Variants in VIRMA observed in about 807,000 individuals in gnomAD.
The protein encoded by VIRMA is vir like m6A methyltransferase associated.
VIRMA carries 65 observed loss-of-function variants against 182.4 expected under a neutral mutation model. That is an observed-to-expected ratio of 0.36 (90% CI 0.29 to 0.44). The LOEUF (loss-of-function observed/expected upper bound fraction) is 0.44. Ranked by LOEUF, VIRMA falls within the 20% of genes least tolerant of loss-of-function variation. The pLI is 1.00. For synonymous variants in VIRMA, 709 were observed against 743.1 expected, an observed-to-expected ratio of 0.95 and a Z score of 0.75; for missense variants, 1,752 against 2,158.1, an observed-to-expected ratio of 0.81 and a Z score of 3.73.
intron 23 of VIRMA, among the ~76,000 whole-genome samples, chr8:94,489,484 C>T (rs1185842741): frequency 6.6e-6 from 1 of 152,218 alleles, no homozygotes; most frequent in African/African-American, 2.4e-5. Context: ...TGGGTTTCAA[C>T]TGCCTAGGTC....
At chr8:94,525,749 G>C (rs1235618651) in intron 8 of VIRMA, among the ~76,000 whole-genome samples, 2 of 152,228 alleles carry the variant, frequency 1.3e-5, no homozygotes, top group African/African-American at 4.8e-5. Context: ...ACAGATGAGA[G>C]AGGTAGATGG....
At chr8:94,514,785 T>C (rs1260956584) in intron 11 of VIRMA, 84 bp downstream of exon 11, 1 of 702,678 alleles carries the variant, frequency 1.4e-6, no homozygotes, top group Non-Finnish European at 2.5e-6. Flanking sequence ...GTCTACATTA[T>C]CTACACAAGT....
chr8:94,512,083 C>A lies in VIRMA; in HGVS notation c.2758G>T (p.Asp920Tyr). The A allele has an allele frequency of 6.8e-7, 1 of 1,470,326 alleles. No individual in the cohort carries two copies. The highest frequency in any genetic ancestry group is 9.0e-7 in the Non-Finnish European group (1 of 1,106,930). The allele number at this position is 1,470,326 out of a possible 1,614,324, so 91.1% of individuals were successfully genotyped here. ...NLIEYVKQNIDNLMTPEGVGL... is the reference protein window; with the variant it reads ...NLIEYVKQNIYNLMTPEGVGL... ...ACTCCTTCTGGGGTCATCAAGTTATCGATATTCTTTAAAAATGAAAATGAA... is the reference window on the plus strand; with the variant it reads ...ACTCCTTCTGGGGTCATCAAGTTATAGATATTCTTTAAAAATGAAAATGAA... The change falls in exon 12 of 24, where the codon GAT (aspartate) becomes TAT (tyrosine). Residue 920 changes from aspartate (D) to tyrosine (Y), a missense_variant. By Grantham distance (160) the Asp-to-Tyr change is radical (BLOSUM62 -3). Around this residue, in one of 11 missense-constraint regions of VIRMA, gnomAD observed 777 missense variants for 920.6 expected, o/e 0.84. Coordinates refer to ENST00000297591, the MANE Select transcript of VIRMA (RefSeq NM_015496.5).
At chr8:94,511,010 C>A in intron 13 of VIRMA, 175 bp downstream of exon 13, 6 of 1,394,854 alleles carry the variant, frequency 4.3e-6, no homozygotes, top group African/African-American at 1.5e-5. Flanking sequence ...AAAATGTTAC[C>A]CCCATATTTC....
At chr8:94,512,168 C>T in intron 11 of VIRMA, 79 bp from the exon 12 acceptor site, 1 of 545,854 alleles carries the variant, frequency 1.8e-6, no homozygotes, top group Non-Finnish European at 2.9e-6. Context: ...CAAGGAATTA[C>T]TTGAAAATAT....
chr8:94,531,236 A>T, intron 5 of VIRMA, 151 bp from the exon 6 acceptor site: 1 of 836,908 alleles, frequency 1.2e-6, no homozygotes, highest in Non-Finnish European at 1.7e-6. Flanking sequence ...CAAAATCTGC[A>T]TATATATAAT....
chr8:94,543,760 C>A (rs1415881992), intron 2 of VIRMA, 67 bp downstream of exon 2: 3 of 843,630 alleles, frequency 3.6e-6, no homozygotes, highest in South Asian at 1.5e-5. Flanking sequence ...TACATTTTTG[C>A]ATTTAAGAAT....
chr8:94,518,928 T>C, intron 9 of VIRMA, 57 bp downstream of exon 9: 1 of 1,429,302 alleles, frequency 7.0e-7, no homozygotes. Flanking sequence ...AACTAGACCA[T>C]TAGTTAATCT....
At chr8:94,510,268 C>T (rs1814316836) in intron 14 of VIRMA, 149 bp downstream of exon 14, 3 of 618,904 alleles carry the variant, frequency 4.8e-6, no homozygotes, top group African/African-American at 1.8e-5. Context: ...TTCATATATT[C>T]ATATGTGTGC....
rs771028941 is a variant in VIRMA, at chr8:94,534,966, A to G, written c.357T>C (p.Cys119=). 2 of 1,613,566 alleles carry G rather than the reference A, an allele frequency of 1.2e-6. No individual in the cohort carries two copies. The highest frequency in any genetic ancestry group is 2.2e-5 in the South Asian group (2 of 90,852). ...CTGATCCATATATTGCCAGTGTCAG[A>G]CAGTTATACCAGCCTCTTAGCACCA... ...DGLVLRGWYN[C]LTLAIYGSVD... Residue 119 remains cysteine (C), a synonymous_variant, in exon 5 of 24, where the codon TGT becomes TGC. Coordinates refer to ENST00000297591, the MANE Select transcript of VIRMA (RefSeq NM_015496.5).
intron 1 of VIRMA, among the ~76,000 whole-genome samples, chr8:94,544,210 C>G (rs1012470617): frequency 4.6e-5 from 7 of 152,186 alleles, no homozygotes; most frequent in African/African-American, 1.4e-4. Flanking sequence ...AGTCCCTTAT[C>G]TGAAATCTCT....
intron 13 of VIRMA, 172 bp downstream of exon 13, chr8:94,511,013 C>T: frequency 2.0e-5 from 28 of 1,406,898 alleles, no homozygotes; most frequent in Non-Finnish European, 2.6e-5. Flanking sequence ...ATGTTACCCC[C>T]ATATTTCCTC....
In VIRMA at chr8:94,510,629, T is replaced by C; in HGVS notation, c.3414A>G (p.Ser1138=). ...ACAATTTTCGGGTGTTGAGTGCCAC[T>C]GATATATCATGTGGCTCAATAACCT... is the stretch of plus-strand genomic sequence containing the variant. ...TTQVIEPHDI[S]VALNTRKLWS... is the part of the protein sequence containing the mutation. The change falls in exon 14 of 24, where the codon TCA becomes TCG. Residue 1138 remains serine (S), a synonymous_variant. Coordinates refer to ENST00000297591, the MANE Select transcript of VIRMA (RefSeq NM_015496.5). 6.2e-7 allele frequency: 1 copy of C among 1,613,650 alleles called. No homozygotes were observed.
At chr8:94,510,876 A>G (rs1814345224) in intron 13 of VIRMA, 3 of 919,508 alleles carry the variant, frequency 3.3e-6, no homozygotes, top group Non-Finnish European at 4.7e-6. Context: ...TGGTGAAGCA[A>G]TCTAGTTATT....
Position 94,496,459 on chromosome 8 carries a change from C to G in VIRMA, c.4252G>C (p.Gly1418Arg). Residue 1418 changes from glycine (G) to arginine (R), a missense_variant, in exon 18 of 24, where the codon GGT (glycine) becomes CGT (arginine). Gly to Arg is a moderately radical substitution (Grantham distance 125). This residue lies in a region of VIRMA where 777 missense variants were observed against 920.6 expected (regional missense o/e 0.84). Coordinates refer to ENST00000297591, the MANE Select transcript of VIRMA (RefSeq NM_015496.5). ...TGAGCTCCCTCTACTTCCATGAGAC[C>G]ATTATCATCTCCACAGCATCCCTGT... ...DTIGCCGDDN[G>R]LMEVEGAHTS... 6.2e-7 allele frequency: 1 copy of G among 1,611,946 alleles called. No homozygotes were observed. Among genetic ancestry groups the G allele is most frequent in the Non-Finnish European group, 8.5e-7 (1 of 1,179,114 alleles).
At chr8:94,543,761 A>T in intron 2 of VIRMA, 66 bp downstream of exon 2, 3 of 862,186 alleles carry the variant, frequency 3.5e-6, no homozygotes, top group African/African-American at 1.7e-5. Flanking sequence ...ACATTTTTGC[A>T]TTTAAGAATA....
chr8:94,505,648 A>G (rs1368081986), intron 16 of VIRMA, among the ~76,000 whole-genome samples: 3 of 151,844 alleles, frequency 2.0e-5, no homozygotes, highest in Non-Finnish European at 2.9e-5. Context: ...ATGCCCAACT[A>G]ATTTGTAAAT....
In VIRMA at chr8:94,527,328, C is replaced by T. The variant is rs772234002; in HGVS notation, c.916G>A (p.Asp306Asn). Reference protein sequence around the residue: ...DGYEQISSDEDGIADLERETF... With the variant: ...DGYEQISSDENGIADLERETF... ...TCACGTTCCAAGTCAGCAATTCCAT[C>T]TTCATCACTGGAAATTTGTTCATAA... Residue 306 changes from aspartate to asparagine, a missense_variant, in exon 8 of 24, where the codon GAT (aspartate) becomes AAT (asparagine). By Grantham distance (23) the Asp-to-Asn change is conservative. Transcript: ENST00000297591. 5.0e-6 allele frequency: 8 copies of T among 1,586,324 alleles called. No individual in the cohort carries two copies. Among genetic ancestry groups the T allele is most frequent in the Non-Finnish European group, 6.9e-6 (8 of 1,163,912 alleles).
rs369200705 is a variant in VIRMA, at chr8:94,509,954, G to A, written c.3627-14C>T. 282 of 1,589,952 alleles carry A rather than the reference G, an allele frequency of 1.8e-4. 1 individual carries two copies. Among genetic ancestry groups the A allele is most frequent in the Middle Eastern group, 3.6e-4 (2 of 5,490 alleles). ...TCTTCTGAAGTGCTGAAATAAAATC[G>A]ATACATTTAGTAAACAAAGTTCTTG... is the stretch of plus-strand genomic sequence containing the variant. On this transcript the variant is annotated splice_polypyrimidine_tract_variant and intron_variant, in intron 14 of 23. Transcript: ENST00000297591.
Sources: allele counts gnomAD v4.1 joint callset (sites outside exome capture counted in the v4.1 genomes callset), GRCh38; gene constraint gnomAD v4.1.1; regional missense constraint gnomAD v4.1.1; transcripts MANE v1.5; gene names NCBI Gene and HGNC (gene_info 2026-07-23, HGNC 2026-07-21).